The following PROCA1 variants were observed in gnomAD, a reference collection of about 807,000 sequenced individuals.
PROCA1 encodes protein interacting with cyclin A1.
A neutral mutation model predicts 23.2 loss-of-function variants in PROCA1; 22 were observed. The observed-to-expected ratio is 0.95, with a 90% confidence interval of 0.68 to 1.35. The LOEUF is 1.35. Ranked by LOEUF, PROCA1 falls within the 40% of genes most tolerant of loss-of-function variation. The pLI is 0.00. For synonymous variants in PROCA1, 182 were observed against 179.2 expected, an observed-to-expected ratio of 1.02 and a Z score of -0.12; for missense variants, 469 against 459.8, an observed-to-expected ratio of 1.02 and a Z score of -0.18.
chr17:28,711,285 G>T, intron 1 of PROCA1: 2 of 603,452 alleles, frequency 3.3e-6, no homozygotes, highest in Non-Finnish European at 5.1e-6. Context: ...TCCGATAGCC[G>T]AGCGTTCCAG....
rs2032775631 is a variant in PROCA1 at position 28,711,401 on chromosome 17, GGCCCT to G, written c.91+164_91+168del. On this transcript the variant is annotated intron_variant, in intron 1 of 4. Transcript: ENST00000682792. ...CGCGGCTCGACGCGAGCCCGCCCCCGGCCCTAGCTCCGCCCCGGCCCTAGCTCCGC... is the reference window on the plus strand; with the variant it reads ...CGCGGCTCGACGCGAGCCCGCCCCCGAGCTCCGCCCCGGCCCTAGCTCCGC... 48 of 484,754 alleles carry G rather than the reference GGCCCT, an allele frequency of 9.9e-5. No homozygotes were observed. In the South Asian group the frequency reaches 1.6e-3, roughly 17 times the overall value. 30.0% of individuals were successfully genotyped at this position (484,754 alleles called of 1,614,324 possible). A position where few individuals can be genotyped will look rare whatever the true frequency, so the allele number is the denominator to read the frequency against.
intron 1 of PROCA1, among the ~76,000 whole-genome samples, chr17:28,708,991 G>A (rs966084284): frequency 1.3e-5 from 2 of 152,128 alleles, no homozygotes; most frequent in Admixed American, 1.3e-4. Context: ...GTGAGACCCT[G>A]TCTCAACTAA....
intron 2 of PROCA1, chr17:28,705,598 G>A (rs983520827): frequency 2.0e-5 from 3 of 152,894 alleles, no homozygotes; most frequent in Non-Finnish European, 4.4e-5. Flanking sequence ...CTGCTGGGGT[G>A]AGAATTTGGG....
intron 1 of PROCA1, chr17:28,711,250 G>A: frequency 1.2e-6 from 1 of 809,582 alleles, no homozygotes; most frequent in Non-Finnish European, 1.7e-6. Flanking sequence ...TTCAAGGGCA[G>A]CGGCCTGCGC....
intron 1 of PROCA1, among the ~76,000 whole-genome samples, chr17:28,709,098 T>C (rs1193318275): frequency 6.6e-6 from 1 of 152,196 alleles, no homozygotes; most frequent in Non-Finnish European, 1.5e-5. Context: ...CAAACATACA[T>C]TGTTAATAGA....
chr17:28,705,345 C>G (rs2032418631), intron 2 of PROCA1: 1 of 153,932 alleles, frequency 6.5e-6, no homozygotes, highest in South Asian at 2.0e-4. Context: ...ACTCGTCCTT[C>G]CCTCCCCACT....
In PROCA1 at chr17:28,710,485, C is replaced by G. The variant is rs545908298; in HGVS notation, c.91+1085G>C. Among the ~76,000 whole-genome samples the G allele has an allele frequency of 3.3e-3, 448 of 136,408 alleles. 8 individuals carry two copies. Among genetic ancestry groups the G allele is most frequent in the Non-Finnish European group, 4.1e-3 (270 of 65,860 alleles). 89.5% of individuals were successfully genotyped at this position (136,408 alleles called of 152,430 possible). On this transcript the variant is annotated intron_variant, in intron 1 of 4. Transcript: ENST00000682792. ...TTGCGCCACTGCACTCCAGCCTGGG[C>G]GACAGAGCGAGATTCCATCTCAAAA...
Position 28,704,830 on chromosome 17 carries a change from C to A in PROCA1, c.189G>T (p.Glu63Asp). ...TGTGTCTCCAGCAGCACTTGTCAGG[C>A]TCCTTGCAGTCACCTGAGGGGGCAG... ...VSTFSEGDCK[E>D]PDKCCWRHKQ... Residue 63 changes from glutamate to aspartate, a missense_variant, in exon 3 of 5, where the codon GAG becomes GAT. Transcript: ENST00000682792. The A allele has an allele frequency of 6.2e-7, 1 of 1,612,610 alleles. No homozygotes were observed. Among genetic ancestry groups the A allele is most frequent in the Non-Finnish European group, 8.5e-7 (1 of 1,179,812 alleles).
intron 1 of PROCA1, among the ~76,000 whole-genome samples, chr17:28,708,565 A>C (rs2032630584): frequency 6.6e-6 from 1 of 152,010 alleles, no homozygotes; most frequent in Admixed American, 6.6e-5. Flanking sequence ...CCACCAATGA[A>C]ATGACATAAA....
At chr17:28,708,623 C>T (rs565600469) in intron 1 of PROCA1, among the ~76,000 whole-genome samples, 72 of 151,758 alleles carry the variant, frequency 4.7e-4, no homozygotes, top group African/African-American at 1.2e-3. Context: ...CGGTGGCTCA[C>T]GCCTGTAATC....
rs1597743580 is a variant in PROCA1, at chr17:28,711,319, G to A, written c.91+251C>T. 5.3e-6 allele frequency: 3 copies of A among 561,858 alleles called. No individual in the cohort carries two copies. In the East Asian group the frequency reaches 1.1e-4, roughly 20 times the overall value. The allele number at this position is 561,858 out of a possible 1,614,324, so 34.8% of individuals were successfully genotyped here. A position where few individuals can be genotyped will look rare whatever the true frequency, so the allele number is the denominator to read the frequency against. On this transcript the variant is annotated intron_variant, in intron 1 of 4. Transcript: ENST00000682792. ...AGCTCTGGCTGGAACCAGACTTCCC[G>A]CCCATCCCGCGGGCGACCCAGCAGG...
intron 1 of PROCA1, among the ~76,000 whole-genome samples, chr17:28,709,244 CCTT>C (rs2032666067): frequency 6.6e-6 from 1 of 151,980 alleles, no homozygotes; most frequent in South Asian, 2.1e-4. Flanking sequence ...CACAGCCAAG[CCTT>C]TTTTTTTGTT....
chr17:28,704,624 G>C (rs748465936), intron 3 of PROCA1, 84 bp downstream of exon 3: 1 of 1,585,132 alleles, frequency 6.3e-7, no homozygotes, highest in Non-Finnish European at 8.6e-7. Flanking sequence ...AAGCTGAAGA[G>C]GCAAACCAAA....
rs932350540 is a variant in PROCA1, at chr17:28,711,719, C to T, written c.-59G>A. ...TCTTGCGTGAAGTCCAACCCTGAGC[C>T]TCAGCCCGGCCGAGCCCTCGGCCCA... On this transcript the variant is annotated 5_prime_UTR_variant, in exon 1 of 5. Transcript: ENST00000682792. The T allele has an allele frequency of 1.3e-6, 2 of 1,502,090 alleles. No individual in the cohort carries two copies. The highest frequency in any genetic ancestry group is 4.9e-5 in the East Asian group (2 of 41,086). The allele number at this position is 1,502,090 out of a possible 1,614,324, so 93.0% of individuals were successfully genotyped here.
At chr17:28,704,463 C>G (rs748592467) in intron 3 of PROCA1, 28 bp from the exon 4 acceptor site, 1 of 1,597,972 alleles carries the variant, frequency 6.3e-7, no homozygotes, top group African/African-American at 1.3e-5. Context: ...CTCAGCCTGG[C>G]TCCCATCACT....
In PROCA1 at chr17:28,704,298, C is replaced by T. The variant is rs200774256; in HGVS notation, c.440+9G>A. 2.6e-5 allele frequency: 42 copies of T among 1,608,998 alleles called. No homozygotes were observed. In the Admixed American group the frequency reaches 6.4e-4, roughly 24 times the overall value. On this transcript the variant is annotated intron_variant, in intron 4 of 4. Coordinates refer to ENST00000682792, the MANE Select transcript of PROCA1 (RefSeq NM_001366301.1). ...CCCCTTCCCCATCAGCCCACCGGGG[C>T]TCACTCACCAGCCATACCGGAATCG...
intron 3 of PROCA1, 106 bp downstream of exon 3, chr17:28,704,602 A>G (rs1440390723): frequency 1.9e-6 from 3 of 1,569,820 alleles, no homozygotes; most frequent in Middle Eastern, 1.7e-4. Context: ...CTGGGCTGGC[A>G]GCACCAATTC....
chr17:28,704,804 T>C lies in PROCA1; in HGVS notation c.215A>G (p.Lys72Arg). ...GTAGATGATGTGCCCAGTGCACTGC[T>C]TGTGTCTCCAGCAGCACTTGTCAGG... ...KEPDKCCWRH[K>R]QCTGHIIYPF... The change falls in exon 3 of 5, where the codon AAG becomes AGG. Residue 72 changes from lysine to arginine, a missense_variant. By Grantham distance (26) the Lys-to-Arg change is conservative. Transcript: ENST00000682792. The C allele has an allele frequency of 6.2e-7, 1 of 1,613,576 alleles. No individual in the cohort carries two copies. Among genetic ancestry groups the C allele is most frequent in the East Asian group, 2.2e-5 (1 of 44,882 alleles).
intron 1 of PROCA1, among the ~76,000 whole-genome samples, chr17:28,709,497 C>T (rs527378446): frequency 1.3e-4 from 19 of 151,942 alleles, no homozygotes; most frequent in Admixed American, 1.0e-3. Context: ...CCTCGTGATC[C>T]GCCCGCCTCA....
Sources: gnomAD v4.1 joint callset for allele counts (sites outside exome capture counted in the v4.1 genomes callset) on GRCh38, gnomAD v4.1.1 for gene constraint, MANE v1.5 for transcripts, NCBI Gene and HGNC (gene_info 2026-07-23, HGNC 2026-07-21) for gene names.